IL1RAPL1: variants seen among roughly 807,000 people sequenced by gnomAD.
IL1RAPL1 encodes the protein interleukin-1 receptor accessory protein-like 1.
IL1RAPL1 carries 3 observed loss-of-function variants against 48.4 expected under a neutral mutation model. That is an observed-to-expected ratio of 0.06 (90% CI 0.03 to 0.16). The LOEUF is 0.16. Among genes scored for constraint, IL1RAPL1 ranks in the 10% least tolerant of loss-of-function variants. The pLI is 1.00. For missense variants in IL1RAPL1, 349 were observed against 530.6 expected, an observed-to-expected ratio of 0.66 and a Z score of 3.36; for synonymous variants, 185 against 187.7, an observed-to-expected ratio of 0.99 and a Z score of 0.12.
intron 5 of IL1RAPL1, among the ~76,000 whole-genome samples, chrX:29,507,867 G>A (rs1935353013): frequency 9.0e-6 from 1 of 111,579 alleles, no homozygotes; most frequent in African/African-American, 3.3e-5. Context: ...ATTGAAAATT[G>A]TAATAGCTGG....
At chrX:29,864,883 A>G (rs1931659631) in intron 6 of IL1RAPL1, among the ~76,000 whole-genome samples, 1 of 112,020 alleles carries the variant, frequency 8.9e-6, no homozygotes, top group African/African-American at 3.2e-5. Context: ...TCTAGAAGCA[A>G]AATTCCTAGA....
intron 3 of IL1RAPL1, among the ~76,000 whole-genome samples, chrX:29,344,263 A>G (rs1383565639): frequency 8.9e-6 from 1 of 112,237 alleles, no homozygotes; most frequent in Non-Finnish European, 1.9e-5. Flanking sequence ...ATTGAAATAG[A>G]AAGCCATGTT....
chrX:29,641,836 C>A (rs1925179048), intron 5 of IL1RAPL1, among the ~76,000 whole-genome samples: 1 of 112,237 alleles, frequency 8.9e-6, no homozygotes, highest in South Asian at 3.7e-4. Flanking sequence ...GTGGAAAAAT[C>A]TTTCAAAATC....
chrX:28,892,703 AGGGGCGGCGT>A (rs1286910023), intron 2 of IL1RAPL1, among the ~76,000 whole-genome samples: 1 of 110,735 alleles, frequency 9.0e-6, no homozygotes, highest in Non-Finnish European at 1.9e-5. Context: ...GAGGTGGATT[AGGGGCGGCGT>A]GGGAACCTAG....
intron 2 of IL1RAPL1, among the ~76,000 whole-genome samples, chrX:28,832,331 A>C (rs1199950360): frequency 9.0e-6 from 1 of 111,203 alleles, no homozygotes; most frequent in Non-Finnish European, 1.9e-5. Context: ...ATTTACTCGA[A>C]GTACTCTTAA....
At chrX:29,248,049 T>C (rs1446625885) in intron 2 of IL1RAPL1, among the ~76,000 whole-genome samples, 2 of 111,762 alleles carry the variant, frequency 1.8e-5, no homozygotes, top group Admixed American at 1.9e-4. Context: ...TGGTGGAGTC[T>C]GAAGAAGTAA....
chrX:29,574,203 G>A (rs1199638412), intron 5 of IL1RAPL1: 1 of 109,327 alleles, frequency 9.1e-6, no homozygotes, highest in Non-Finnish European at 1.9e-5. Flanking sequence ...AGAGCGAGGT[G>A]CTACACAACC....
intron 5 of IL1RAPL1, among the ~76,000 whole-genome samples, chrX:29,463,437 T>G (rs1238269404): frequency 8.9e-6 from 1 of 112,315 alleles, no homozygotes; most frequent in Non-Finnish European, 1.9e-5. Flanking sequence ...CAAACCCAAT[T>G]AGGCATGGCC....
intron 2 of IL1RAPL1, among the ~76,000 whole-genome samples, chrX:29,246,236 A>G (rs1337126569): frequency 1.0e-5 from 1 of 100,459 alleles, no homozygotes; most frequent in African/African-American, 3.7e-5. Context: ...AAAAGAGATG[A>G]TTGCCAAGTG....
intron 5 of IL1RAPL1, among the ~76,000 whole-genome samples, chrX:29,492,810 T>A (rs138879620): frequency 2.7e-5 from 3 of 111,601 alleles, no homozygotes; most frequent in African/African-American, 9.8e-5. Context: ...AGGGGGCCAT[T>A]ATTCTGCCTA....
At chrX:29,899,212 A>G (rs1357573579) in intron 6 of IL1RAPL1, among the ~76,000 whole-genome samples, 1 of 111,097 alleles carries the variant, frequency 9.0e-6, no homozygotes, top group Non-Finnish European at 1.9e-5. Flanking sequence ...AAAGGCATGG[A>G]AAGTCAGATT....
At chrX:29,890,973 T>C (rs1932265483) in intron 6 of IL1RAPL1, among the ~76,000 whole-genome samples, 1 of 112,152 alleles carries the variant, frequency 8.9e-6, no homozygotes. Context: ...ATCTGAGTCA[T>C]GAGGAAAGTT....
intron 2 of IL1RAPL1, among the ~76,000 whole-genome samples, chrX:29,034,011 C>A (rs933388334): frequency 3.6e-5 from 4 of 111,011 alleles, no homozygotes; most frequent in African/African-American, 1.3e-4. Context: ...AAATTTATTC[C>A]AAATAAATCA....
chrX:29,858,395 C>A (rs1931516566), intron 6 of IL1RAPL1, among the ~76,000 whole-genome samples: 1 of 111,246 alleles, frequency 9.0e-6, no homozygotes, highest in African/African-American at 3.3e-5. Context: ...CCTAGGACCA[C>A]ATATACTCTG....
intron 6 of IL1RAPL1, among the ~76,000 whole-genome samples, chrX:29,897,733 T>A (rs778464037): frequency 9.0e-6 from 1 of 110,719 alleles, no homozygotes; most frequent in East Asian, 2.8e-4. Context: ...CTGTTAATGC[T>A]GTACTCCCAA....
chrX:28,668,405 C>T (rs1341334568), intron 1 of IL1RAPL1, among the ~76,000 whole-genome samples: 31 of 111,998 alleles, frequency 2.8e-4, no homozygotes, highest in Non-Finnish European at 5.6e-5. Flanking sequence ...ATTACAGGCA[C>T]ACACCACCAT....
chrX:29,894,147 A>G (rs1932328437), intron 6 of IL1RAPL1, among the ~76,000 whole-genome samples: 1 of 112,470 alleles, frequency 8.9e-6, no homozygotes, highest in African/African-American at 3.2e-5. Context: ...CTTCGCAGTA[A>G]GGGCATTTTG....
At chrX:29,208,434 G>A (rs1226266841) in intron 2 of IL1RAPL1, among the ~76,000 whole-genome samples, 3 of 111,267 alleles carry the variant, frequency 2.7e-5, no homozygotes, top group Non-Finnish European at 3.8e-5. Context: ...GGTAGGGGCC[G>A]GGCACGGTGG....
chrX:28,595,553 C>G (rs1333670632), intron 1 of IL1RAPL1, among the ~76,000 whole-genome samples: 1 of 111,793 alleles, frequency 8.9e-6, no homozygotes, highest in Non-Finnish European at 1.9e-5. Flanking sequence ...TCTAGAGTTA[C>G]TGGGTAGGGA....
Sources: allele counts gnomAD v4.1 joint callset (sites outside exome capture counted in the v4.1 genomes callset), GRCh38; gene constraint gnomAD v4.1.1; transcripts MANE v1.5; gene names NCBI Gene and HGNC (gene_info 2026-07-23, HGNC 2026-07-21).